Variants in TRAPPC9 observed in about 807,000 individuals in gnomAD.
TRAPPC9 encodes the protein trafficking protein particle complex subunit 9.
TRAPPC9 carries 83 observed loss-of-function variants against 124.0 expected under a neutral mutation model. The ratio of observed to expected loss-of-function variants is 0.67; its 90% CI spans 0.56 to 0.80. The LOEUF is 0.80. Among genes scored for constraint, TRAPPC9 ranks in the 30% least tolerant of loss-of-function variants. The pLI is 0.00. For missense variants in TRAPPC9, 1,302 were observed against 1,508.3 expected, an observed-to-expected ratio of 0.86 and a Z score of 2.27; for synonymous variants, 638 against 617.5, an observed-to-expected ratio of 1.03 and a Z score of -0.49.
In TRAPPC9 at chr8:139,730,940, G is replaced by A. The variant is rs149208078; in HGVS notation, c.*121C>T. 11 of 1,118,874 alleles carry A rather than the reference G, an allele frequency of 9.8e-6. No homozygotes were observed. The highest frequency in any genetic ancestry group is 2.9e-4 in the Middle Eastern group (1 of 3,394). The allele number at this position is 1,118,874 out of a possible 1,614,324, so 69.3% of individuals were successfully genotyped here. On this transcript the variant is annotated 3_prime_UTR_variant, in exon 23 of 23. Transcript: ENST00000438773. Reference sequence around the variant, plus strand: ...GAGGAACAGGAGGAGAGGGCTGGGAGGGGTCTGGGGGAGGAGGAGGAGATG... The same window carrying A: ...GAGGAACAGGAGGAGAGGGCTGGGAAGGGTCTGGGGGAGGAGGAGGAGATG...
intron 9 of TRAPPC9, among the ~76,000 whole-genome samples, chr8:140,341,148 G>C (rs1423932084): frequency 2.6e-5 from 4 of 152,126 alleles, no homozygotes; most frequent in African/African-American, 9.7e-5. Context: ...CTACATTCCA[G>C]CTGTCCCACC....
intron 19 of TRAPPC9, among the ~76,000 whole-genome samples, chr8:139,937,378 T>A (rs548798046): frequency 5.3e-5 from 8 of 152,306 alleles, no homozygotes; most frequent in Non-Finnish European, 8.8e-5. Context: ...CATTATTTTC[T>A]CCATACTTTT....
intron 16 of TRAPPC9, among the ~76,000 whole-genome samples, chr8:140,225,858 C>G (rs1041298657): frequency 6.6e-6 from 1 of 152,160 alleles, no homozygotes; most frequent in Non-Finnish European, 1.5e-5. Flanking sequence ...CAGCTCCTCC[C>G]GAGGGAAGGC....
chr8:139,849,579 T>G (rs1323080467), intron 21 of TRAPPC9, among the ~76,000 whole-genome samples: 1 of 152,262 alleles, frequency 6.6e-6, no homozygotes, highest in African/African-American at 2.4e-5. Context: ...ACAGATCACA[T>G]GTTCCAGGTT....
At chr8:139,870,369 G>A (rs1828822291) in intron 21 of TRAPPC9, among the ~76,000 whole-genome samples, 1 of 152,234 alleles carries the variant, frequency 6.6e-6, no homozygotes, top group South Asian at 2.1e-4. Context: ...GTCTTTTAAA[G>A]CATGGTTCCA....
At chr8:140,061,091 G>A (rs1052718762) in intron 17 of TRAPPC9, among the ~76,000 whole-genome samples, 2 of 152,126 alleles carry the variant, frequency 1.3e-5, no homozygotes, top group Non-Finnish European at 2.9e-5. Context: ...TTTTAATATC[G>A]TCAGATCATT....
At chr8:140,396,383 T>C (rs1026596557) in intron 7 of TRAPPC9, among the ~76,000 whole-genome samples, 4 of 152,030 alleles carry the variant, frequency 2.6e-5, no homozygotes, top group Non-Finnish European at 4.4e-5. Flanking sequence ...CCTCGTGATC[T>C]GCCCGCCTCA....
chr8:139,753,098 T>A (rs187642165), intron 21 of TRAPPC9, among the ~76,000 whole-genome samples: 3 of 116,490 alleles, frequency 2.6e-5, no homozygotes, highest in Non-Finnish European at 5.0e-5. Context: ...CCATCCAACA[T>A]CTACCCATCC....
At chr8:140,407,849 T>A (rs1215114402) in intron 5 of TRAPPC9, among the ~76,000 whole-genome samples, 1 of 152,214 alleles carries the variant, frequency 6.6e-6, no homozygotes, top group Non-Finnish European at 1.5e-5. Context: ...CTTGAACTCC[T>A]GACCTCAAGC....
intron 20 of TRAPPC9, among the ~76,000 whole-genome samples, chr8:139,905,800 A>G (rs1489070354): frequency 6.6e-6 from 1 of 152,184 alleles, no homozygotes; most frequent in Admixed American, 6.5e-5. Flanking sequence ...TCCTAAAGAA[A>G]AAAGGGGTAC....
chr8:139,903,143 G>T (rs1174492723), intron 20 of TRAPPC9, among the ~76,000 whole-genome samples: 1 of 152,116 alleles, frequency 6.6e-6, no homozygotes, highest in Non-Finnish European at 1.5e-5. Flanking sequence ...CTGAGATCAT[G>T]GTTACACCGT....
At chr8:140,107,240 A>C (rs1022691342) in intron 17 of TRAPPC9, among the ~76,000 whole-genome samples, 8 of 152,202 alleles carry the variant, frequency 5.3e-5, no homozygotes, top group Non-Finnish European at 1.2e-4. Flanking sequence ...GAAGTCTCAG[A>C]GCACTTACTG....
intron 2 of TRAPPC9, among the ~76,000 whole-genome samples, chr8:140,439,926 A>G (rs948913836): frequency 1.6e-4 from 25 of 152,308 alleles, no homozygotes; most frequent in African/African-American, 5.5e-4. Flanking sequence ...CAAACTTATC[A>G]AGAATAAAAC....
At chr8:140,053,009 C>A (rs1252863468) in intron 17 of TRAPPC9, among the ~76,000 whole-genome samples, 1 of 152,080 alleles carries the variant, frequency 6.6e-6, no homozygotes, top group African/African-American at 2.4e-5. Flanking sequence ...TACCCATGAC[C>A]CCCAACTGAC....
intron 21 of TRAPPC9, among the ~76,000 whole-genome samples, chr8:139,808,527 AG>A (rs1309455042): frequency 2.0e-5 from 3 of 152,248 alleles, no homozygotes; most frequent in African/African-American, 7.2e-5. Context: ...ATTACATTTC[AG>A]AATATTTCTA....
intron 20 of TRAPPC9, among the ~76,000 whole-genome samples, chr8:139,906,007 T>C (rs1490890751): frequency 1.3e-5 from 2 of 151,238 alleles, no homozygotes; most frequent in Non-Finnish European, 2.9e-5. Context: ...GGCAGGGGAA[T>C]CTCTGGAACC....
chr8:140,175,556 A>G (rs2062051206), intron 17 of TRAPPC9, among the ~76,000 whole-genome samples: 2 of 152,232 alleles, frequency 1.3e-5, no homozygotes, highest in South Asian at 4.1e-4. Context: ...AGTAAACTCT[A>G]CTTGCTGACA....
At chr8:140,196,133 A>ACG (rs2062660805) in intron 17 of TRAPPC9, among the ~76,000 whole-genome samples, 2 of 6,900 alleles carry the variant, frequency 2.9e-4, no homozygotes, top group African/African-American at 1.7e-3. Flanking sequence ...TGACACTGAA[A>ACG]CACAACGATC....
At chr8:139,818,342 A>C (rs1020926085) in intron 21 of TRAPPC9, among the ~76,000 whole-genome samples, 1 of 152,214 alleles carries the variant, frequency 6.6e-6, no homozygotes, top group African/African-American at 2.4e-5. Context: ...TTGGGAGGCC[A>C]AGGCAGGCCG....
Sources: gnomAD v4.1 joint callset for allele counts (sites outside exome capture counted in the v4.1 genomes callset) on GRCh38, gnomAD v4.1.1 for gene constraint, MANE v1.5 for transcripts, NCBI Gene and HGNC (gene_info 2026-07-23, HGNC 2026-07-21) for gene names.